PPP1R12A: variants seen among roughly 807,000 people sequenced by gnomAD.
PPP1R12A encodes protein phosphatase 1 regulatory subunit 12A.
Under a neutral mutation model 139.6 loss-of-function variants are expected in PPP1R12A, and 19 were observed. That is an observed-to-expected ratio of 0.14 (90% CI 0.09 to 0.20). The LOEUF (loss-of-function observed/expected upper bound fraction) is 0.20. PPP1R12A is among the 10% of genes least tolerant of loss of function. The pLI is 1.00. For synonymous variants in PPP1R12A, 427 were observed against 420.6 expected (o/e 1.02, Z -0.19); for missense variants, 925 against 1,211.5 (o/e 0.76, Z 3.51).
At chr12:79,843,633 T>G (rs201894501) in intron 3 of PPP1R12A, among the ~76,000 whole-genome samples, 1 of 128,038 alleles carries the variant, frequency 7.8e-6, no homozygotes, top group Non-Finnish European at 1.6e-5. Flanking sequence ...GATATAGATA[T>G]AGATATAGAT....
At chr12:79,783,989 C>G (rs1870795374) in intron 22 of PPP1R12A, among the ~76,000 whole-genome samples, 1 of 151,970 alleles carries the variant, frequency 6.6e-6, no homozygotes, top group African/African-American at 2.4e-5. Flanking sequence ...AAGGAGGGTA[C>G]CTGGGCTAGG....
chr12:79,795,581 C>T (rs1330268392), intron 18 of PPP1R12A, 57 bp downstream of exon 18: 99 of 1,490,306 alleles, frequency 6.6e-5, no homozygotes, highest in Non-Finnish European at 8.5e-5. Context: ...TATTTTTGGA[C>T]ACATTAAGAA....
chr12:79,794,807 G>C (rs925789801), intron 18 of PPP1R12A, among the ~76,000 whole-genome samples: 2 of 151,958 alleles, frequency 1.3e-5, no homozygotes, highest in African/African-American at 4.8e-5. Context: ...TATAACAATA[G>C]AAGTAAATGT....
chr12:79,858,561 CAG>C (rs1880948355), intron 2 of PPP1R12A, among the ~76,000 whole-genome samples: 2 of 152,162 alleles, frequency 1.3e-5, no homozygotes, highest in Non-Finnish European at 2.9e-5. Context: ...AAGATTTAAA[CAG>C]AGTTGCCTAA....
At chr12:79,871,501 A>C (rs1882564164) in intron 2 of PPP1R12A, among the ~76,000 whole-genome samples, 2 of 152,184 alleles carry the variant, frequency 1.3e-5, no homozygotes, top group Admixed American at 1.3e-4. Context: ...CGTTTGATGA[A>C]TTACTGCAGT....
At chr12:79,806,145 C>T in intron 13 of PPP1R12A, 21 bp downstream of exon 13, 1 of 1,612,020 alleles carries the variant, frequency 6.2e-7, no homozygotes, top group Non-Finnish European at 8.5e-7. Context: ...GACCTGAGCA[C>T]AAAATGTATC....
chr12:79,806,152 T>A lies in PPP1R12A; in HGVS notation c.1823+14A>T. ...ACACAGTAGACCTGAGCACAAAATG[T>A]ATCTGTGACTTACCTGCTTTGTGTG... On this transcript the variant is annotated intron_variant, in intron 13 of 24. Transcript: ENST00000450142. The A allele has an allele frequency of 6.2e-7, 1 of 1,612,888 alleles. No homozygotes were observed. Among genetic ancestry groups the A allele is most frequent in the Non-Finnish European group, 8.5e-7 (1 of 1,179,068 alleles).
intron 1 of PPP1R12A, among the ~76,000 whole-genome samples, chr12:79,924,811 A>C (rs1887707365): frequency 6.6e-6 from 1 of 152,212 alleles, no homozygotes; most frequent in African/African-American, 2.4e-5. Context: ...GTTTCATCAA[A>C]ATCTAGAACA....
chr12:79,888,238 A>C (rs1286110797), intron 1 of PPP1R12A, among the ~76,000 whole-genome samples: 1 of 152,190 alleles, frequency 6.6e-6, no homozygotes, highest in East Asian at 1.9e-4. Context: ...CTATGGATTT[A>C]ACTAAAGTAC....
intron 3 of PPP1R12A, among the ~76,000 whole-genome samples, chr12:79,842,540 C>T (rs1057022388): frequency 1.3e-5 from 2 of 150,782 alleles, no homozygotes; most frequent in Non-Finnish European, 2.9e-5. Flanking sequence ...TTGATCACTG[C>T]CTAATGGACT....
chr12:79,889,606 T>C (rs1884410692), intron 1 of PPP1R12A, among the ~76,000 whole-genome samples: 1 of 152,184 alleles, frequency 6.6e-6, no homozygotes, highest in Non-Finnish European at 1.5e-5. Flanking sequence ...TTCTTGCCAA[T>C]CCTTGAATAC....
chr12:79,878,824 C>T (rs372049954), intron 1 of PPP1R12A, among the ~76,000 whole-genome samples: 35 of 152,244 alleles, frequency 2.3e-4, no homozygotes, highest in African/African-American at 7.7e-4. Flanking sequence ...CTGGGTCCCT[C>T]CCACAACACA....
At chr12:79,863,910 G>A (rs1881661837) in intron 2 of PPP1R12A, among the ~76,000 whole-genome samples, 1 of 152,132 alleles carries the variant, frequency 6.6e-6, no homozygotes, top group South Asian at 2.1e-4. Flanking sequence ...ATACCCCACT[G>A]TCAATATTAA....
intron 1 of PPP1R12A, among the ~76,000 whole-genome samples, chr12:79,907,066 T>A (rs1886189476): frequency 6.6e-6 from 1 of 151,118 alleles, no homozygotes; most frequent in South Asian, 2.1e-4. Context: ...ATACAGATTA[T>A]AATAACTCTA....
chr12:79,907,095 G>T (rs1206605624), intron 1 of PPP1R12A, among the ~76,000 whole-genome samples: 1 of 152,048 alleles, frequency 6.6e-6, no homozygotes, highest in Non-Finnish European at 1.5e-5. Flanking sequence ...CACTCAAAAG[G>T]TCTCTTAGGT....
intron 9 of PPP1R12A, among the ~76,000 whole-genome samples, chr12:79,816,194 C>T (rs907939086): frequency 6.6e-6 from 1 of 151,892 alleles, no homozygotes; most frequent in African/African-American, 2.4e-5. Context: ...TCCAAGTGGA[C>T]CCCTGATTTT....
intron 2 of PPP1R12A, among the ~76,000 whole-genome samples, chr12:79,866,479 A>T (rs1011974859): frequency 3.9e-5 from 6 of 152,256 alleles, no homozygotes; most frequent in Non-Finnish European, 8.8e-5. Context: ...AATGGGATCT[A>T]ATTCAACTAA....
chr12:79,833,670 CAA>C (rs35159522), intron 3 of PPP1R12A, among the ~76,000 whole-genome samples: 536 of 133,716 alleles, frequency 4.0e-3, no homozygotes, highest in Non-Finnish European at 3.7e-3. Context: ...ACTAAAAATA[CAA>C]AAAAAAAAAA....
chr12:79,857,006 A>C (rs1193912185), intron 2 of PPP1R12A, among the ~76,000 whole-genome samples: 1 of 152,262 alleles, frequency 6.6e-6, no homozygotes, highest in African/African-American at 2.4e-5. Context: ...TGTGAATGAC[A>C]TGACTTTCCT....
Sources: allele counts gnomAD v4.1 joint callset (sites outside exome capture counted in the v4.1 genomes callset), GRCh38; gene constraint gnomAD v4.1.1; transcripts MANE v1.5; gene names NCBI Gene and HGNC (gene_info 2026-07-23, HGNC 2026-07-21).